Variants in OSBPL9 observed in about 807,000 individuals in gnomAD.
The protein encoded by OSBPL9 is oxysterol binding protein like 9.
A neutral mutation model predicts 106.6 loss-of-function variants in OSBPL9; 40 were observed. That is an observed-to-expected ratio of 0.38 (90% CI 0.29 to 0.49). OSBPL9 has a LOEUF of 0.49. Among genes scored for constraint, OSBPL9 ranks in the 20% least tolerant of loss-of-function variants. The pLI, the probability that OSBPL9 is intolerant of heterozygous loss-of-function variation, is 0.97. For synonymous variants in OSBPL9, 269 were observed against 295.4 expected (o/e 0.91, Z 0.92); for missense variants, 609 against 887.2 (o/e 0.69, Z 3.98).
intron 1 of OSBPL9, among the ~76,000 whole-genome samples, chr1:51,620,271 A>G (rs746295354): frequency 2.6e-4 from 40 of 152,188 alleles, no homozygotes; most frequent in Non-Finnish European, 5.0e-4. Flanking sequence ...TAGATCTATG[A>G]GGAATTGGAA....
At chr1:51,535,715 C>A in the OSBPL9 span, among the ~76,000 whole-genome samples, 2 of 151,908 alleles carry the variant, frequency 1.3e-5, no homozygotes, top group African/African-American at 4.8e-5. Flanking sequence ...TGCCACCACA[C>A]CTGGCTAATT....
chr1:51,605,384 A>AATTT (rs1643939338), intron 2 of OSBPL9, among the ~76,000 whole-genome samples: 1 of 152,172 alleles, frequency 6.6e-6, no homozygotes, highest in African/African-American at 2.4e-5. Context: ...TGAGTCCAGG[A>AATTT]ATTTGAGACC....
chr1:51,745,383 A>C, intron 4 of OSBPL9, 153 bp from the exon 5 acceptor site: 1 of 1,109,332 alleles, frequency 9.0e-7, no homozygotes, highest in Non-Finnish European at 1.2e-6. Flanking sequence ...CTGTTTAAAT[A>C]GACCTAACTG....
intron 1 of OSBPL9, among the ~76,000 whole-genome samples, chr1:51,634,083 A>G (rs140491706): frequency 6.6e-6 from 1 of 152,244 alleles, no homozygotes; most frequent in Non-Finnish European, 1.5e-5. Context: ...TCATGGGTCT[A>G]GCTGTTGTTC....
intron 1 of OSBPL9, 47 bp downstream of exon 1, chr1:51,617,268 C>A: frequency 6.5e-7 from 1 of 1,547,366 alleles, no homozygotes; most frequent in South Asian, 1.2e-5. Context: ...GGCCGCGTTT[C>A]CTGGGTGGAG....
At chr1:51,553,340 A>G in the OSBPL9 span, among the ~76,000 whole-genome samples, 4 of 151,838 alleles carry the variant, frequency 2.6e-5, no homozygotes, top group African/African-American at 9.7e-5. Context: ...GCAAGACCCC[A>G]TCTCTACAAA....
intron 12 of OSBPL9, among the ~76,000 whole-genome samples, chr1:51,769,722 A>C (rs1270475927): frequency 2.0e-5 from 3 of 152,184 alleles, no homozygotes; most frequent in Non-Finnish European, 4.4e-5. Context: ...GAACAAGGTA[A>C]ATTATGAAAT....
the OSBPL9 span, among the ~76,000 whole-genome samples, chr1:51,568,546 C>A: frequency 3.9e-5 from 6 of 152,136 alleles, no homozygotes; most frequent in East Asian, 1.9e-4. Context: ...ACATAATTTT[C>A]TTTTCTTTTC....
intron 1 of OSBPL9, among the ~76,000 whole-genome samples, chr1:51,595,889 A>G (rs1292404055): frequency 6.6e-6 from 1 of 152,152 alleles, no homozygotes; most frequent in Non-Finnish European, 1.5e-5. Context: ...GAGATGGAAT[A>G]GGGGCTAGAA....
intron 2 of OSBPL9, among the ~76,000 whole-genome samples, chr1:51,604,039 C>T (rs546506212): frequency 2.6e-5 from 4 of 152,148 alleles, no homozygotes; most frequent in South Asian, 2.1e-4. Context: ...ATTAAGTCTC[C>T]GAAACTCCCA....
intron 12 of OSBPL9, among the ~76,000 whole-genome samples, chr1:51,770,033 C>T (rs1229492328): frequency 6.6e-6 from 1 of 152,048 alleles, no homozygotes; most frequent in African/African-American, 2.4e-5. Flanking sequence ...TGCAGTGGCA[C>T]GAACACAGCT....
At chr1:51,570,606 C>T in the OSBPL9 span, among the ~76,000 whole-genome samples, 2 of 152,188 alleles carry the variant, frequency 1.3e-5, no homozygotes, top group Admixed American at 1.3e-4. Flanking sequence ...CTCCTGGCCT[C>T]CAGGCTAGTG....
At position 51,621,926 on chromosome 1, in the gene OSBPL9, T is replaced by C. The variant is rs151141092; in HGVS notation, c.111+4705T>C. Among the ~76,000 whole-genome samples, 282 of 152,358 alleles carry C rather than the reference T, an allele frequency of 1.9e-3. 7 individuals carry two copies. Among genetic ancestry groups the C allele is most frequent in the East Asian group, 6.0e-3 (31 of 5,190 alleles). On this transcript the variant is annotated intron_variant, in intron 1 of 23. Transcript: ENST00000428468. ...TTATTTTTTTTCTTTTGGGCAAGAA[T>C]ATAGGTGGAACCTATCAAATCAAGA...
At chr1:51,537,321 C>T in the OSBPL9 span, among the ~76,000 whole-genome samples, 3 of 152,032 alleles carry the variant, frequency 2.0e-5, no homozygotes, top group Non-Finnish European at 4.4e-5. Flanking sequence ...TTTTTTTTAA[C>T]ACCTCCTTGC....
chr1:51,668,649 A>G (rs1333118129), intron 2 of OSBPL9, among the ~76,000 whole-genome samples: 1 of 152,164 alleles, frequency 6.6e-6, no homozygotes, highest in Admixed American at 6.5e-5. Flanking sequence ...ATAGTAATAA[A>G]AAAGTATTTT....
chr1:51,666,226 G>A (rs987282191), intron 2 of OSBPL9, among the ~76,000 whole-genome samples: 2 of 152,162 alleles, frequency 1.3e-5, no homozygotes, highest in Non-Finnish European at 2.9e-5. Context: ...TTGGTGCCGT[G>A]AGAGGAAGGA....
At chr1:51,763,513 G>A (rs1297265988) in intron 11 of OSBPL9, among the ~76,000 whole-genome samples, 3 of 152,192 alleles carry the variant, frequency 2.0e-5, no homozygotes, top group Non-Finnish European at 4.4e-5. Context: ...TTGAAGAAGT[G>A]GGAGATCAGC....
At position 51,690,826 on chromosome 1, in the gene OSBPL9, G is replaced by A. The variant is rs150800858; in HGVS notation, c.241+21314G>A. On this transcript the variant is annotated intron_variant, in intron 3 of 23. Transcript: ENST00000428468. The stretch of plus-strand genomic sequence containing the variant: ...GATGGTGATCGGTTCTGGGAAATGC[G>A]TCATTAGACAGTTTCATCATTGTGC... Among the ~76,000 whole-genome samples, 119 of 152,284 alleles carry A rather than the reference G, an allele frequency of 7.8e-4. 1 individual carries two copies. In the Middle Eastern group the frequency reaches 0.01, roughly 13 times the overall value.
chr1:51,531,169 T>G, the OSBPL9 span, among the ~76,000 whole-genome samples: 2 of 151,720 alleles, frequency 1.3e-5, no homozygotes, highest in Non-Finnish European at 2.9e-5. Flanking sequence ...TCCCAGCTAC[T>G]CGGGAGGCTG....
Sources: gnomAD v4.1 joint callset for allele counts (sites outside exome capture counted in the v4.1 genomes callset) on GRCh38, gnomAD v4.1.1 for gene constraint, MANE v1.5 for transcripts, NCBI Gene and HGNC (gene_info 2026-07-23, HGNC 2026-07-21) for gene names.